The following EEIG1 variants were observed in gnomAD, a reference collection of about 807,000 sequenced individuals.
EEIG1 encodes early estrogen-induced gene 1 protein.
the EEIG1 span, among the ~76,000 whole-genome samples, chr9:127,980,699 G>A: frequency 1.3e-5 from 2 of 150,132 alleles, no homozygotes; most frequent in East Asian, 3.9e-4. Flanking sequence ...ACCCCCAGGG[G>A]GCTGCCAGGA....
At chr9:127,958,464 A>T in the EEIG1 span, among the ~76,000 whole-genome samples, 87 of 152,260 alleles carry the variant, frequency 5.7e-4, no homozygotes, top group South Asian at 3.7e-3. Flanking sequence ...CAGAAGTTTG[A>T]GACCAACCTG....
the EEIG1 span, among the ~76,000 whole-genome samples, chr9:127,958,269 G>A: frequency 6.6e-6 from 1 of 151,930 alleles, no homozygotes; most frequent in African/African-American, 2.4e-5. Context: ...AAAGCATATG[G>A]GTAAATCTTC....
chr9:127,948,521 A>G, the EEIG1 span: 1 of 1,076,332 alleles, frequency 9.3e-7, no homozygotes, highest in African/African-American at 1.5e-5. Context: ...TTGGATTCCA[A>G]TCCTGTCTCT....
At chr9:127,975,848 C>T in the EEIG1 span, among the ~76,000 whole-genome samples, 1 of 152,012 alleles carries the variant, frequency 6.6e-6, no homozygotes, top group African/African-American at 2.4e-5. Flanking sequence ...TGGCAGCTCC[C>T]CGACTCACCA....
chr9:127,950,554 G>A, the EEIG1 span: 2 of 1,612,474 alleles, frequency 1.2e-6, no homozygotes, highest in Admixed American at 1.7e-5. Flanking sequence ...GAGGTGAGAG[G>A]AGCGTGTGGG....
At chr9:127,980,146 T>C in the EEIG1 span, 3 of 1,610,348 alleles carry the variant, frequency 1.9e-6, no homozygotes, top group Non-Finnish European at 2.5e-6. Flanking sequence ...ATGAGCGAGT[T>C]CCCTGAGTCT....
chr9:127,944,706 T>C, the EEIG1 span: 1 of 1,612,684 alleles, frequency 6.2e-7, no homozygotes, highest in Non-Finnish European at 8.5e-7. Context: ...CAGGAGAGGA[T>C]GGAGGCTGAG....
chr9:127,949,059 T>C, the EEIG1 span, among the ~76,000 whole-genome samples: 1 of 151,884 alleles, frequency 6.6e-6, no homozygotes, highest in East Asian at 1.9e-4. Flanking sequence ...CTCACGCCTG[T>C]AATCCCAGCA....
At chr9:127,954,177 C>T in the EEIG1 span, among the ~76,000 whole-genome samples, 7 of 152,232 alleles carry the variant, frequency 4.6e-5, no homozygotes, top group African/African-American at 1.7e-4. Flanking sequence ...GCAGCTGTCC[C>T]TCCCCAGGAA....
At chr9:127,966,754 C>T in the EEIG1 span, among the ~76,000 whole-genome samples, 10 of 152,346 alleles carry the variant, frequency 6.6e-5, no homozygotes, top group Admixed American at 3.9e-4. Flanking sequence ...TGGCTGTTTC[C>T]CAGGCACCCT....
chr9:127,944,645 G>A, the EEIG1 span: 3 of 1,612,268 alleles, frequency 1.9e-6, no homozygotes, highest in African/African-American at 2.7e-5. Flanking sequence ...GCTCAGCGTG[G>A]CAGAGCCATC....
chr9:127,963,300 C>T, the EEIG1 span, among the ~76,000 whole-genome samples: 1 of 152,254 alleles, frequency 6.6e-6, no homozygotes, highest in Non-Finnish European at 1.5e-5. Context: ...CAAGTGGAGT[C>T]ACCCCATGCA....
the EEIG1 span, chr9:127,945,691 A>C: frequency 2.5e-6 from 4 of 1,592,930 alleles, no homozygotes; most frequent in South Asian, 4.6e-5. The surrounding 1 kb of genome is among the most constrained non-coding windows in gnomAD (Gnocchi z 6.5). Context: ...GAGTTGCGGG[A>C]GTGGCCAGAG....
chr9:127,944,970 A>G, the EEIG1 span: 1 of 1,543,554 alleles, frequency 6.5e-7, no homozygotes, highest in East Asian at 2.3e-5. Flanking sequence ...AACGACGACA[A>G]TAATGCCAGT....
the EEIG1 span, chr9:127,950,442 T>G: frequency 6.2e-7 from 1 of 1,613,934 alleles, no homozygotes; most frequent in Non-Finnish European, 8.5e-7. Flanking sequence ...GGAGTTGTCC[T>G]GGCGAGTGTT....
chr9:127,968,501 GGTCA>G, the EEIG1 span, among the ~76,000 whole-genome samples: 59 of 152,138 alleles, frequency 3.9e-4, no homozygotes, highest in African/African-American at 1.4e-3. Flanking sequence ...GCACACGGTA[GGTCA>G]GTAACTAACT....
the EEIG1 span, among the ~76,000 whole-genome samples, chr9:127,970,521 A>C: frequency 6.6e-6 from 1 of 152,176 alleles, no homozygotes; most frequent in Non-Finnish European, 1.5e-5. Context: ...AGCACTGCAC[A>C]GTATGCCTCG....
chr9:127,971,369 C>T, the EEIG1 span, among the ~76,000 whole-genome samples: 1 of 152,134 alleles, frequency 6.6e-6, no homozygotes, highest in African/African-American at 2.4e-5. Flanking sequence ...TTCCATTCTG[C>T]TTGCTATGAG....
chr9:127,948,526 GTCTC>G, the EEIG1 span: 1 of 1,039,510 alleles, frequency 9.6e-7, no homozygotes, highest in Non-Finnish European at 1.5e-6. Context: ...TTCCAATCCT[GTCTC>G]TCTGCCCCCT....
Sources: allele counts gnomAD v4.1 joint callset (sites outside exome capture counted in the v4.1 genomes callset), GRCh38; gene constraint gnomAD v4.1.1; non-coding constraint Gnocchi (gnomAD v3.1); transcripts MANE v1.5; gene names NCBI Gene and HGNC (gene_info 2026-07-23, HGNC 2026-07-21).